Variants in NDUFA5 observed in about 807,000 individuals in gnomAD.
NDUFA5 encodes NADH:ubiquinone oxidoreductase subunit A5.
In NDUFA5, 11 loss-of-function variants were observed where a neutral mutation model predicts 19.8. The observed-to-expected ratio is 0.56, with a 90% CI of 0.35 to 0.92. The LOEUF (loss-of-function observed/expected upper bound fraction) is 0.92. NDUFA5 is among the 40% of genes least tolerant of loss of function. The pLI is 0.01. For missense variants in NDUFA5, 109 were observed against 134.2 expected, an observed-to-expected ratio of 0.81 and a Z score of 0.93; for synonymous variants, 47 against 46.8, an observed-to-expected ratio of 1.00 and a Z score of -0.01.
the NDUFA5 span, among the ~76,000 whole-genome samples, chr7:123,594,799 G>A: frequency 3.9e-5 from 6 of 152,196 alleles, no homozygotes; most frequent in African/African-American, 1.4e-4. Context: ...CATGCTGGGA[G>A]AACCACTGCT....
chr7:123,596,718 G>T, the NDUFA5 span, among the ~76,000 whole-genome samples: 1 of 152,134 alleles, frequency 6.6e-6, no homozygotes, highest in African/African-American at 2.4e-5. Flanking sequence ...TTCTTCTATA[G>T]TATGTACTGT....
chr7:123,566,600 C>A, the NDUFA5 span, among the ~76,000 whole-genome samples: 1 of 152,006 alleles, frequency 6.6e-6, no homozygotes, highest in Non-Finnish European at 1.5e-5. Flanking sequence ...ATATCATCCA[C>A]AATTATAATT....
rs1584689139 is a variant in NDUFA5 at position 123,545,527 on chromosome 7, G to A, written c.249+84C>T. 6 of 1,086,964 alleles carry A rather than the reference G, an allele frequency of 5.5e-6. No homozygotes were observed. The East Asian group carries it at 1.4e-4, about 26-fold the overall frequency. 67.3% of individuals were successfully genotyped at this position (1,086,964 alleles called of 1,614,324 possible). On this transcript the variant is annotated intron_variant, in intron 4 of 4. Transcript: ENST00000355749. The stretch of plus-strand genomic sequence containing the variant: ...TATTTGACGAGTTGATATAAACAAG[G>A]AAATTTAGTTTTCCTTTCATTCTAG...
chr7:123,578,796 CTATTTTA>C, the NDUFA5 span, among the ~76,000 whole-genome samples: 1 of 152,100 alleles, frequency 6.6e-6, no homozygotes, highest in African/African-American at 2.4e-5. Context: ...TATCTTTAAA[CTATTTTA>C]TAAAGTCTTA....
chr7:123,576,910 T>C, the NDUFA5 span, among the ~76,000 whole-genome samples: 3 of 152,190 alleles, frequency 2.0e-5, no homozygotes, highest in Admixed American at 2.0e-4. Context: ...TATTACTTTA[T>C]TCTTCTTGTC....
At position 123,557,771 on chromosome 7, in the gene NDUFA5, TCACC is replaced by T; in HGVS notation, c.21_21+3del. ...ATTCCAACAGTGACCTCCATTCGTC[TCACC>T]TTCTTCAGCACACCCGCCATGACAG... On this transcript the variant is annotated splice_donor_variant and splice_donor_region_variant and coding_sequence_variant and intron_variant, in exon 1 of 5. Transcript: ENST00000355749. LOFTEE classifies it high-confidence loss of function. The T allele has an allele frequency of 6.2e-7, 1 of 1,613,456 alleles. No individual in the cohort carries two copies. The highest frequency in any genetic ancestry group is 8.5e-7 in the Non-Finnish European group (1 of 1,179,878).
At chr7:123,563,343 C>T in the NDUFA5 span, among the ~76,000 whole-genome samples, 28 of 152,050 alleles carry the variant, frequency 1.8e-4, no homozygotes, top group African/African-American at 6.3e-4. Context: ...TATTAACTGG[C>T]CTAATTTCAA....
At chr7:123,559,857 CAAAAAAA>C (rs201033454), upstream of NDUFA5, among the ~76,000 whole-genome samples, 7 of 46,508 alleles carry the variant, frequency 1.5e-4, no homozygotes, top group Non-Finnish European at 3.5e-4. Context: ...TTCCGTCTCA[CAAAAAAA>C]AAAAAAAAAA....
At chr7:123,574,091 G>A in the NDUFA5 span, among the ~76,000 whole-genome samples, 1 of 151,984 alleles carries the variant, frequency 6.6e-6, no homozygotes, top group Non-Finnish European at 1.5e-5. Flanking sequence ...TTGTTAGCCT[G>A]TTAAATATCC....
chr7:123,564,892 G>GACACAC, the NDUFA5 span, among the ~76,000 whole-genome samples: 5,216 of 147,598 alleles, frequency 0.035, 225 homozygotes, highest in African/African-American at 0.1. Context: ...GAAGCATCTG[G>GACACAC]ACACACACAC....
At chr7:123,545,540 C>G in intron 4 of NDUFA5, 71 bp downstream of exon 4, 1 of 1,227,006 alleles carries the variant, frequency 8.1e-7, no homozygotes, top group Non-Finnish European at 1.2e-6. Flanking sequence ...ATTTAGTTTT[C>G]CTTTCATTCT....
the NDUFA5 span, among the ~76,000 whole-genome samples, chr7:123,589,842 G>A: frequency 6.6e-6 from 1 of 152,136 alleles, no homozygotes; most frequent in Non-Finnish European, 1.5e-5. Flanking sequence ...CCCAGTAATG[G>A]GATCGCTAAG....
rs1562893234 is a variant in NDUFA5, at chr7:123,545,671, T to G, written c.189A>C (p.Pro63=). 1 of 1,606,250 alleles carries G rather than the reference T, an allele frequency of 6.2e-7. No homozygotes were observed. ...GTTGGTCTTCTAATTTTTTAACATC[T>G]GGTTCCTATAATTTCAGGGAGAAAA... is the stretch of plus-strand genomic sequence containing the variant. ...NEKLAMVKAE[P]DVKKLEDQLQ... The change falls in exon 4 of 5, where the codon CCA becomes CCC. Residue 63 remains proline (P), a synonymous_variant. Transcript: ENST00000355749.
At chr7:123,594,942 C>T in the NDUFA5 span, among the ~76,000 whole-genome samples, 1 of 152,162 alleles carries the variant, frequency 6.6e-6, no homozygotes, top group African/African-American at 2.4e-5. Context: ...TGTGCTCCAC[C>T]CAGTTCGAGC....
At chr7:123,583,057 C>A in the NDUFA5 span, among the ~76,000 whole-genome samples, 4 of 151,854 alleles carry the variant, frequency 2.6e-5, no homozygotes, top group African/African-American at 9.7e-5. Context: ...GAATTTGGAT[C>A]TTTAAAATTA....
At chr7:123,546,805 G>T (rs114796885) in intron 3 of NDUFA5, 2 of 733,874 alleles carry the variant, frequency 2.7e-6, no homozygotes, top group Non-Finnish European at 4.2e-6. Context: ...CTGATAATTT[G>T]CATTATGATA....
upstream of NDUFA5, among the ~76,000 whole-genome samples, chr7:123,560,100 T>C (rs1271681799): frequency 1.3e-5 from 2 of 152,146 alleles, no homozygotes; most frequent in Non-Finnish European, 2.9e-5. Flanking sequence ...ATAATTTTAA[T>C]AGATGCAGAA....
chr7:123,540,098 G>A lies in NDUFA5; in HGVS notation c.*2021C>T, dbSNP rs965012172. On this transcript the variant is annotated 3_prime_UTR_variant, in exon 5 of 5. Transcript: ENST00000355749. ...GGCCCCAAGTTGCATAATTGCAGGG[G>A]AAAACTACTCACGTAGGGTTCTGGT... The A allele has an allele frequency of 5.3e-5, 8 of 152,148 alleles. No individual in the cohort carries two copies. The highest frequency in any genetic ancestry group is 2.0e-4 in the Admixed American group (3 of 15,268). The allele number at this position is 152,148 out of a possible 1,614,324, so 9.4% of individuals were successfully genotyped here. A position where few individuals can be genotyped will look rare whatever the true frequency, so the allele number is the denominator to read the frequency against.
the NDUFA5 span, among the ~76,000 whole-genome samples, chr7:123,575,357 A>C: frequency 6.6e-6 from 1 of 152,130 alleles, no homozygotes; most frequent in East Asian, 1.9e-4. Flanking sequence ...TCATATGTTA[A>C]ATATGTTCAT....
Sources: gnomAD v4.1 joint callset for allele counts (sites outside exome capture counted in the v4.1 genomes callset) on GRCh38, gnomAD v4.1.1 for gene constraint, MANE v1.5 for transcripts, NCBI Gene and HGNC (gene_info 2026-07-23, HGNC 2026-07-21) for gene names.